Variants in ST8SIA2 observed in about 807,000 individuals in gnomAD.
ST8SIA2 encodes ST8 alpha-N-acetyl-neuraminide alpha-2,8-sialyltransferase 2, also known as alpha-2,8-sialyltransferase 8B.
In ST8SIA2, 22 loss-of-function variants were observed where a neutral mutation model predicts 37.6. That is an observed-to-expected ratio of 0.58 (90% CI 0.42 to 0.83). ST8SIA2 has a LOEUF of 0.83. Ranked by LOEUF, ST8SIA2 falls within the 40% of genes least tolerant of loss-of-function variation. The pLI is 0.00. For missense variants in ST8SIA2, 382 were observed against 484.7 expected, an observed-to-expected ratio of 0.79 and a Z score of 1.99; for synonymous variants, 205 against 201.2, an observed-to-expected ratio of 1.02 and a Z score of -0.16.
At chr15:92,417,157 T>G (rs987822230) in intron 1 of ST8SIA2, among the ~76,000 whole-genome samples, 2 of 152,154 alleles carry the variant, frequency 1.3e-5, no homozygotes, top group African/African-American at 4.8e-5. Context: ...ACATCAAAAC[T>G]GAGAGAGGTC....
At chr15:92,395,016 G>C (rs1486730468) in intron 1 of ST8SIA2, among the ~76,000 whole-genome samples, 1 of 152,104 alleles carries the variant, frequency 6.6e-6, no homozygotes, top group Non-Finnish European at 1.5e-5. Context: ...CCTGGAGTGC[G>C]CACTTGAGGC....
intron 5 of ST8SIA2, among the ~76,000 whole-genome samples, chr15:92,456,192 A>C (rs1428096397): frequency 6.6e-6 from 1 of 150,824 alleles, no homozygotes; most frequent in African/African-American, 2.4e-5. Context: ...AGCAGGAAAA[A>C]CCCCCAGTGC....
intron 2 of ST8SIA2, among the ~76,000 whole-genome samples, chr15:92,432,260 C>T (rs1252102672): frequency 2.0e-5 from 3 of 152,194 alleles, no homozygotes; most frequent in Non-Finnish European, 4.4e-5. Flanking sequence ...CTGAGGTAGG[C>T]TTCAACAAAG....
At chr15:92,446,207 C>A (rs1211568119) in intron 5 of ST8SIA2, among the ~76,000 whole-genome samples, 4 of 152,130 alleles carry the variant, frequency 2.6e-5, no homozygotes, top group Admixed American at 6.5e-5. Flanking sequence ...GTTGACCATG[C>A]GTCTCTCTCT....
chr15:92,405,924 T>TG (rs1295320832), intron 1 of ST8SIA2, among the ~76,000 whole-genome samples: 1 of 152,114 alleles, frequency 6.6e-6, no homozygotes, highest in Non-Finnish European at 1.5e-5. Flanking sequence ...CCCAGAGTGA[T>TG]GGGGGAGAGA....
intron 5 of ST8SIA2, among the ~76,000 whole-genome samples, chr15:92,454,879 A>ACAT (rs2049909260): frequency 6.6e-6 from 1 of 151,984 alleles, no homozygotes; most frequent in African/African-American, 2.4e-5. Flanking sequence ...TTTAATTACA[A>ACAT]CATCGAAGGA....
intron 5 of ST8SIA2, among the ~76,000 whole-genome samples, chr15:92,456,866 G>A (rs1596250344): frequency 6.6e-6 from 1 of 152,210 alleles, no homozygotes; most frequent in Admixed American, 6.5e-5. Flanking sequence ...ACTTGAGCAA[G>A]AGTGTTGGCT....
intron 4 of ST8SIA2, 125 bp downstream of exon 4, chr15:92,438,735 C>A: frequency 7.6e-7 from 1 of 1,318,808 alleles, no homozygotes; most frequent in Non-Finnish European, 1.0e-6. Context: ...CTGCTCTCAA[C>A]CATGACTGCT....
At chr15:92,418,722 C>T (rs544903119) in intron 1 of ST8SIA2, among the ~76,000 whole-genome samples, 3 of 152,004 alleles carry the variant, frequency 2.0e-5, no homozygotes, top group Admixed American at 1.3e-4. Context: ...TATATTCAAA[C>T]GGTATAGAAA....
intron 1 of ST8SIA2, among the ~76,000 whole-genome samples, chr15:92,412,327 G>A (rs565543477): frequency 6.6e-6 from 1 of 152,190 alleles, no homozygotes; most frequent in African/African-American, 2.4e-5. Flanking sequence ...GTGAAAATGA[G>A]ACCAAATGGC....
chr15:92,453,883 G>A (rs1278420323), intron 5 of ST8SIA2, among the ~76,000 whole-genome samples: 2 of 152,232 alleles, frequency 1.3e-5, no homozygotes, highest in African/African-American at 2.4e-5. Flanking sequence ...GGCTCCAGGT[G>A]TAGAACTAGG....
chr15:92,439,501 C>G (rs753281701), intron 4 of ST8SIA2, among the ~76,000 whole-genome samples: 1 of 152,184 alleles, frequency 6.6e-6, no homozygotes, highest in Non-Finnish European at 1.5e-5. Flanking sequence ...GCCGGCTCCC[C>G]AGCCCTGGCA....
intron 5 of ST8SIA2, among the ~76,000 whole-genome samples, chr15:92,447,909 A>G (rs2141841699): frequency 6.6e-6 from 1 of 152,264 alleles, no homozygotes; most frequent in East Asian, 1.9e-4. Context: ...CTGTTTAAAT[A>G]TTAAATATCG....
chr15:92,445,028 A>T (rs1216581400), intron 5 of ST8SIA2, 99 bp downstream of exon 5: 1 of 1,542,994 alleles, frequency 6.5e-7, no homozygotes. Flanking sequence ...TCCCAGCTCC[A>T]CCACTCATTT....
At chr15:92,428,088 T>C (rs948312896) in intron 1 of ST8SIA2, among the ~76,000 whole-genome samples, 2 of 152,380 alleles carry the variant, frequency 1.3e-5, no homozygotes, top group Middle Eastern at 3.4e-3. Flanking sequence ...TAAGATTATC[T>C]TAGGAATTCT....
chr15:92,441,662 C>T (rs777122292), intron 4 of ST8SIA2, among the ~76,000 whole-genome samples: 65 of 152,062 alleles, frequency 4.3e-4, no homozygotes, highest in Middle Eastern at 3.4e-3. Flanking sequence ...AAATGCCCTT[C>T]CATGGATAAA....
At chr15:92,428,190 G>T (rs1354323388) in intron 1 of ST8SIA2, among the ~76,000 whole-genome samples, 1 of 152,164 alleles carries the variant, frequency 6.6e-6, no homozygotes, top group Admixed American at 6.5e-5. Flanking sequence ...AGAGGATATT[G>T]CTTAGGGTAA....
intron 1 of ST8SIA2, among the ~76,000 whole-genome samples, chr15:92,423,488 G>A (rs1391729513): frequency 6.6e-6 from 1 of 152,226 alleles, no homozygotes; most frequent in Non-Finnish European, 1.5e-5. Flanking sequence ...CACAGGCTAG[G>A]CAACTTAGAC....
chr15:92,419,851 G>T (rs917838912), intron 1 of ST8SIA2, among the ~76,000 whole-genome samples: 11 of 152,144 alleles, frequency 7.2e-5, no homozygotes, highest in Non-Finnish European at 1.2e-4. Context: ...TATCTTAGAA[G>T]TCTGTTTTTT....
Sources: gnomAD v4.1 joint callset for allele counts (sites outside exome capture counted in the v4.1 genomes callset) on GRCh38, gnomAD v4.1.1 for gene constraint, MANE v1.5 for transcripts, NCBI Gene and HGNC (gene_info 2026-07-23, HGNC 2026-07-21) for gene names.